The following ROBO1 variants were observed in gnomAD, a reference collection of about 807,000 sequenced individuals.
The protein encoded by ROBO1 is roundabout homolog 1.
ROBO1 carries 149 observed loss-of-function variants against 195.9 expected under a neutral mutation model. The observed-to-expected ratio is 0.76, with a 90% CI of 0.67 to 0.87. The LOEUF (loss-of-function observed/expected upper bound fraction) is 0.87. Ranked by LOEUF, ROBO1 falls within the 40% of genes least tolerant of loss-of-function variation. ROBO1 has a pLI of 0.00. For synonymous variants in ROBO1, 816 were observed against 733.2 expected, an observed-to-expected ratio of 1.11 and a Z score of -1.82; for missense variants, 1,933 against 2,068.3, an observed-to-expected ratio of 0.93 and a Z score of 1.27.
intron 2 of ROBO1, among the ~76,000 whole-genome samples, chr3:79,520,152 T>C (rs1270695485): frequency 6.8e-6 from 1 of 146,510 alleles, no homozygotes. Flanking sequence ...ACTGCAAGAT[T>C]CTATCAAAAA....
intron 2 of ROBO1, among the ~76,000 whole-genome samples, chr3:79,361,788 C>T (rs910099524): frequency 6.6e-6 from 1 of 151,936 alleles, no homozygotes; most frequent in East Asian, 1.9e-4. Flanking sequence ...TTGTATTTAC[C>T]TTACTTTTTT....
chr3:78,675,617 G>T (rs1339225873), intron 10 of ROBO1, among the ~76,000 whole-genome samples: 2 of 152,292 alleles, frequency 1.3e-5, no homozygotes, highest in East Asian at 3.9e-4. Flanking sequence ...GCTGGGGGAG[G>T]GGGGCCTGCC....
At chr3:79,026,326 A>G (rs2078202674) in intron 3 of ROBO1, among the ~76,000 whole-genome samples, 1 of 152,112 alleles carries the variant, frequency 6.6e-6, no homozygotes, top group Non-Finnish European at 1.5e-5. Flanking sequence ...TGAGGTGCAA[A>G]TAAAAGTTGT....
At chr3:79,060,620 C>T (rs1157722659) in intron 3 of ROBO1, among the ~76,000 whole-genome samples, 1 of 151,960 alleles carries the variant, frequency 6.6e-6, no homozygotes, top group African/African-American at 2.4e-5. Context: ...CAAACTGAAT[C>T]CAGCAGCAGA....
At chr3:78,603,399 T>TG (rs1703288583) in intron 29 of ROBO1, among the ~76,000 whole-genome samples, 1 of 152,172 alleles carries the variant, frequency 6.6e-6, no homozygotes, top group African/African-American at 2.4e-5. Context: ...TCAAGTATCA[T>TG]GGCACTATGA....
chr3:78,692,772 A>C (rs1400315545), intron 8 of ROBO1: 1 of 152,180 alleles, frequency 6.6e-6, no homozygotes, highest in Non-Finnish European at 1.5e-5. Flanking sequence ...AATGTTTATC[A>C]AAGTACGCTT....
At chr3:79,354,132 C>T (rs1300047883) in intron 2 of ROBO1, among the ~76,000 whole-genome samples, 1 of 152,080 alleles carries the variant, frequency 6.6e-6, no homozygotes, top group East Asian at 1.9e-4. Context: ...AATACTATTA[C>T]TGAAACTGCT....
At chr3:78,765,342 A>C (rs1212430826) in intron 4 of ROBO1, among the ~76,000 whole-genome samples, 3 of 152,086 alleles carry the variant, frequency 2.0e-5, no homozygotes, top group Non-Finnish European at 4.4e-5. Flanking sequence ...TCATAAAAGG[A>C]TGAAATGATT....
chr3:79,401,598 A>T (rs1453110970), intron 2 of ROBO1, among the ~76,000 whole-genome samples: 2 of 151,860 alleles, frequency 1.3e-5, no homozygotes, highest in Non-Finnish European at 2.9e-5. Flanking sequence ...AGTTTAAGTG[A>T]TTTTAAATAC....
chr3:79,670,977 G>C (rs541038893), intron 1 of ROBO1, among the ~76,000 whole-genome samples: 2 of 151,902 alleles, frequency 1.3e-5, no homozygotes, highest in South Asian at 2.1e-4. Flanking sequence ...ACTCACCCAG[G>C]TTGTTTAATT....
At chr3:79,446,605 C>T (rs1051301545) in intron 2 of ROBO1, among the ~76,000 whole-genome samples, 3 of 152,112 alleles carry the variant, frequency 2.0e-5, no homozygotes, top group Middle Eastern at 3.4e-3. Context: ...ATTTTTAAAG[C>T]ATGTTATACA....
At chr3:78,682,362 G>T (rs1486707398) in intron 10 of ROBO1, among the ~76,000 whole-genome samples, 1 of 150,372 alleles carries the variant, frequency 6.7e-6, no homozygotes, top group Non-Finnish European at 1.5e-5. Context: ...GACACACTTT[G>T]TACATTTATG....
intron 3 of ROBO1, among the ~76,000 whole-genome samples, chr3:78,939,410 C>A (rs1236540709): frequency 2.0e-5 from 3 of 149,394 alleles, no homozygotes; most frequent in Admixed American, 2.0e-4. Context: ...GTCAGGAGAT[C>A]AAGACCATCC....
rs1704227401 is a variant in ROBO1 at position 78,617,966 on chromosome 3, G to C, written c.3951C>G (p.Pro1317=). The change falls in exon 27 of 31, where the codon CCC becomes CCG. Residue 1317 remains proline, a synonymous_variant. Transcript: ENST00000464233. ...PPHTYGYISG[P]LVSDMDTDAP... ...CATCCGTATCCATATCTGAGACCAG[G>C]GGTCCTGAAATGTAGCCATAGGTAT... 1.2e-6 allele frequency: 2 copies of C among 1,613,826 alleles called. 1 individual carries two copies. The highest frequency in any genetic ancestry group is 3.3e-5 in the Admixed American group (2 of 59,998).
chr3:79,298,296 C>T (rs952285949), intron 2 of ROBO1, among the ~76,000 whole-genome samples: 1 of 152,146 alleles, frequency 6.6e-6, no homozygotes, highest in East Asian at 1.9e-4. Context: ...AGGTACGTTT[C>T]TCTCCTCCTC....
intron 2 of ROBO1, among the ~76,000 whole-genome samples, chr3:79,375,377 T>G (rs1418509996): frequency 1.3e-5 from 2 of 152,158 alleles, no homozygotes; most frequent in African/African-American, 4.8e-5. Flanking sequence ...GGATGGAAAT[T>G]GATACTTCTT....
At chr3:79,307,392 C>G (rs2033273040) in intron 2 of ROBO1, among the ~76,000 whole-genome samples, 2 of 151,958 alleles carry the variant, frequency 1.3e-5, no homozygotes, top group Non-Finnish European at 1.5e-5. Context: ...ATTCAAGCTG[C>G]CATTCTGTAA....
In ROBO1 at chr3:79,118,235, G is replaced by GTTTT. The variant is rs397874150; in HGVS notation, c.172+7217_172+7220dup. The stretch of plus-strand genomic sequence containing the variant: ...GGCTGGTACAAAAGTAATTGTGTGG[G>GTTTT]TTTTTTTTTTTTTTTGCAATTTTTA... On this transcript the variant is annotated intron_variant, in intron 3 of 30. Transcript: ENST00000464233. Among the ~76,000 whole-genome samples the GTTTT allele has an allele frequency of 2.3e-3, 320 of 141,844 alleles. 3 individuals are homozygous for GTTTT. The highest frequency in any genetic ancestry group is 8.3e-3 in the African/African-American group (309 of 37,254). 93.1% of individuals were successfully genotyped at this position (141,844 alleles called of 152,430 possible). A position where few individuals can be genotyped will look rare whatever the true frequency, so the allele number is the denominator to read the frequency against.
intron 2 of ROBO1, among the ~76,000 whole-genome samples, chr3:79,139,447 TTATGCATCAG>T (rs1284559048): frequency 1.3e-5 from 2 of 152,140 alleles, no homozygotes; most frequent in African/African-American, 4.8e-5. Context: ...ATTGGGGAAA[TTATGCATCAG>T]TATGACACAA....
Sources: allele counts gnomAD v4.1 joint callset (sites outside exome capture counted in the v4.1 genomes callset), GRCh38; gene constraint gnomAD v4.1.1; transcripts MANE v1.5; gene names NCBI Gene and HGNC (gene_info 2026-07-23, HGNC 2026-07-21).